Variants in ADGRB3 observed in about 807,000 individuals in gnomAD.
The protein encoded by ADGRB3 is adhesion G protein-coupled receptor B3, also known as brain-specific angiogenesis inhibitor 3.
ADGRB3 carries 37 observed loss-of-function variants against 193.4 expected under a neutral mutation model. The ratio of observed to expected loss-of-function variants is 0.19; its 90% CI spans 0.15 to 0.25. ADGRB3 has a LOEUF of 0.25. ADGRB3 is among the 10% of genes least tolerant of loss of function. ADGRB3 has a pLI of 1.00. For missense variants in ADGRB3, 1,637 were observed against 1,852.9 expected, an observed-to-expected ratio of 0.88 and a Z score of 2.14; for synonymous variants, 690 against 644.2, an observed-to-expected ratio of 1.07 and a Z score of -1.08.
chr6:69,056,524 T>C (rs1265870519), intron 15 of ADGRB3, among the ~76,000 whole-genome samples: 1 of 152,210 alleles, frequency 6.6e-6, no homozygotes, highest in Non-Finnish European at 1.5e-5. Flanking sequence ...TTTTCTTCCC[T>C]GTACTTTTGG....
At chr6:68,847,789 G>T (rs779559402) in intron 3 of ADGRB3, among the ~76,000 whole-genome samples, 4 of 152,040 alleles carry the variant, frequency 2.6e-5, no homozygotes, top group Non-Finnish European at 4.4e-5. Flanking sequence ...GGTGGGGTCG[G>T]GGAAAGAAGA....
chr6:68,772,886 A>C (rs10559293), intron 3 of ADGRB3, among the ~76,000 whole-genome samples: 3,908 of 41,430 alleles, frequency 0.094, 281 homozygotes, highest in African/African-American at 0.21. Context: ...AACAAACAAA[A>C]AAAAAAAAAT....
chr6:69,257,225 A>C (rs180978387), intron 20 of ADGRB3, among the ~76,000 whole-genome samples: 1 of 152,190 alleles, frequency 6.6e-6, no homozygotes, highest in Non-Finnish European at 1.5e-5. Flanking sequence ...CATAAAATGA[A>C]TTAGGGAGGA....
intron 1 of ADGRB3, among the ~76,000 whole-genome samples, chr6:68,636,323 T>C (rs1450392897): frequency 1.3e-5 from 2 of 152,006 alleles, no homozygotes; most frequent in African/African-American, 4.8e-5. Context: ...GTGGGTCTTC[T>C]ATTGGGGGGA....
intron 3 of ADGRB3, among the ~76,000 whole-genome samples, chr6:68,704,610 C>T (rs1217038284): frequency 2.0e-5 from 3 of 152,166 alleles, no homozygotes; most frequent in Non-Finnish European, 4.4e-5. Flanking sequence ...GCAGAGTGTA[C>T]ATATTTGCTC....
At chr6:68,660,354 A>T (rs931043144) in intron 3 of ADGRB3, among the ~76,000 whole-genome samples, 1 of 147,938 alleles carries the variant, frequency 6.8e-6, no homozygotes, top group Admixed American at 6.8e-5. Flanking sequence ...TAGTATGTTG[A>T]TACTTTGGGA....
At chr6:69,144,369 C>T (rs531190510) in intron 17 of ADGRB3, among the ~76,000 whole-genome samples, 33 of 152,202 alleles carry the variant, frequency 2.2e-4, no homozygotes, top group Middle Eastern at 3.4e-3. Flanking sequence ...GATAATTTGA[C>T]TTTTTCCTTT....
chr6:68,979,413 C>T (rs1768842810), intron 10 of ADGRB3, among the ~76,000 whole-genome samples: 1 of 151,310 alleles, frequency 6.6e-6, no homozygotes, highest in Non-Finnish European at 1.5e-5. Context: ...CATTGTATAA[C>T]AATTTCAATT....
chr6:68,722,609 T>TC (rs1456737887), intron 3 of ADGRB3, among the ~76,000 whole-genome samples: 8 of 151,348 alleles, frequency 5.3e-5, no homozygotes, highest in Non-Finnish European at 8.9e-5. Context: ...CTTTTTCTTT[T>TC]TTTTTTTTAA....
At chr6:68,916,850 A>C (rs1486505100) in intron 3 of ADGRB3, among the ~76,000 whole-genome samples, 2 of 152,204 alleles carry the variant, frequency 1.3e-5, no homozygotes, top group Non-Finnish European at 2.9e-5. Context: ...AGGCTGGGGC[A>C]GATTCTACTG....
intron 3 of ADGRB3, among the ~76,000 whole-genome samples, chr6:68,828,969 T>A (rs1365578890): frequency 2.0e-5 from 3 of 152,088 alleles, no homozygotes; most frequent in African/African-American, 7.2e-5. Context: ...ATTTTTAAAA[T>A]TTTCCATCAG....
At chr6:68,677,479 T>C (rs1769121617) in intron 3 of ADGRB3, among the ~76,000 whole-genome samples, 1 of 151,768 alleles carries the variant, frequency 6.6e-6, no homozygotes, top group African/African-American at 2.4e-5. Flanking sequence ...AATTTATTTA[T>C]AAATAGTATC....
Position 68,974,882 on chromosome 6 carries a change from A to G in ADGRB3, c.1627+18A>G. 1 of 1,593,690 alleles carries G rather than the reference A, an allele frequency of 6.3e-7. No individual in the cohort carries two copies. Among genetic ancestry groups the G allele is most frequent in the African/African-American group, 1.3e-5 (1 of 74,452 alleles). On this transcript the variant is annotated intron_variant, in intron 9 of 31. Coordinates refer to ENST00000370598, the MANE Select transcript of ADGRB3 (RefSeq NM_001704.3). ...TGCCACAGGTACAGTAGGATGACCC[A>G]CCCAAACCCTAGTGATAATCCCCAT...
At position 69,221,981 on chromosome 6, in the gene ADGRB3, A is replaced by G. The variant is rs552512174; in HGVS notation, c.2481-11309A>G. Among the ~76,000 whole-genome samples, 71 of 152,340 alleles carry G rather than the reference A, an allele frequency of 4.7e-4. 1 individual carries two copies. Among genetic ancestry groups the G allele is most frequent in the Middle Eastern group, 3.4e-3 (1 of 294 alleles). On this transcript the variant is annotated intron_variant, in intron 17 of 31. Transcript: ENST00000370598. ...TCCATTTAAACTTCTTAAAATCTTA[A>G]CAGTAAGAAAAAAAGAAATTCATGG...
intron 17 of ADGRB3, among the ~76,000 whole-genome samples, chr6:69,204,687 C>G (rs1294925067): frequency 6.6e-6 from 1 of 152,126 alleles, no homozygotes; most frequent in Non-Finnish European, 1.5e-5. Context: ...TTATTTTTTA[C>G]AAAACATTTT....
intron 26 of ADGRB3, among the ~76,000 whole-genome samples, chr6:69,347,931 A>G (rs1209461473): frequency 2.0e-5 from 3 of 152,210 alleles, no homozygotes; most frequent in African/African-American, 7.2e-5. Context: ...AGGCAAGGAC[A>G]ATATGCTCAT....
intron 6 of ADGRB3, among the ~76,000 whole-genome samples, chr6:68,954,048 A>G (rs1199789589): frequency 6.6e-6 from 1 of 152,040 alleles, no homozygotes; most frequent in African/African-American, 2.4e-5. Flanking sequence ...TCCTTTGTTT[A>G]TTTCTATTTT....
chr6:68,779,549 A>G (rs181537924), intron 3 of ADGRB3, among the ~76,000 whole-genome samples: 177 of 152,194 alleles, frequency 1.2e-3, no homozygotes, highest in Non-Finnish European at 1.5e-3. Context: ...TTGGCATATC[A>G]AATCATCAGT....
chr6:68,915,787 G>GA (rs1248797908), intron 3 of ADGRB3, among the ~76,000 whole-genome samples: 10 of 151,432 alleles, frequency 6.6e-5, no homozygotes, highest in Admixed American at 1.3e-4. Context: ...AACTACCCAA[G>GA]AAAAAAAACA....
Sources: allele counts gnomAD v4.1 joint callset (sites outside exome capture counted in the v4.1 genomes callset), GRCh38; gene constraint gnomAD v4.1.1; transcripts MANE v1.5; gene names NCBI Gene and HGNC (gene_info 2026-07-23, HGNC 2026-07-21).